The following SLC7A11 variants were observed in gnomAD, a reference collection of about 807,000 sequenced individuals.
SLC7A11 encodes the protein cystine/glutamate transporter.
A neutral mutation model predicts 54.5 loss-of-function variants in SLC7A11; 35 were observed. The observed-to-expected ratio is 0.64, with a 90% CI of 0.49 to 0.85. The LOEUF (loss-of-function observed/expected upper bound fraction) is 0.85. SLC7A11 is among the 40% of genes least tolerant of loss of function. The probability of loss-of-function intolerance (pLI) is 0.00; values close to 1 mark genes in which losing one functional copy is unlikely to be tolerated. For synonymous variants in SLC7A11, 230 were observed against 225.2 expected, an observed-to-expected ratio of 1.02 and a Z score of -0.19; for missense variants, 583 against 618.1, an observed-to-expected ratio of 0.94 and a Z score of 0.60.
At chr4:138,173,210 G>T (rs183498196) in intron 11 of SLC7A11, among the ~76,000 whole-genome samples, 1 of 152,198 alleles carries the variant, frequency 6.6e-6, no homozygotes, top group East Asian at 1.9e-4. Context: ...TCCTGGAGCT[G>T]TTTACAGCCT....
At chr4:138,230,208 T>C (rs1738040414) in intron 3 of SLC7A11, among the ~76,000 whole-genome samples, 4 of 152,036 alleles carry the variant, frequency 2.6e-5, no homozygotes, top group Admixed American at 2.6e-4. Flanking sequence ...GGGAGCTAAA[T>C]GATGACAACT....
intron 1 of SLC7A11, among the ~76,000 whole-genome samples, chr4:138,237,970 C>G (rs1278637577): frequency 6.6e-6 from 1 of 150,918 alleles, no homozygotes; most frequent in African/African-American, 2.4e-5. Context: ...TCGGGCTGGT[C>G]TCAAACTCCC....
At chr4:138,172,657 A>G (rs539805265) in intron 11 of SLC7A11, among the ~76,000 whole-genome samples, 1 of 152,276 alleles carries the variant, frequency 6.6e-6, no homozygotes, top group African/African-American at 2.4e-5. Flanking sequence ...TGTAATTCTG[A>G]TAGACACAAA....
rs192036390 is a variant in SLC7A11 at position 138,201,001 on chromosome 4, A to T, written c.791+13584T>A. 3.5e-3 allele frequency among the ~76,000 whole-genome samples: 540 copies of T among 152,282 alleles called. 2 individuals are homozygous for T. Among genetic ancestry groups the T allele is most frequent in the African/African-American group, 0.011 (462 of 41,582 alleles). On this transcript the variant is annotated intron_variant, in intron 6 of 11. Transcript: ENST00000280612. ...CTATCAGGGAGGAAGAAGAAATAGC[A>T]TCATGAAAAGCCAATAGAAGAGATT...
chr4:138,236,682 A>C (rs1738216262), intron 1 of SLC7A11, among the ~76,000 whole-genome samples: 1 of 152,156 alleles, frequency 6.6e-6, no homozygotes, highest in Non-Finnish European at 1.5e-5. Context: ...GAACACTATA[A>C]TTTTACTTGA....
In SLC7A11 at chr4:138,166,534, A is replaced by C. The variant is rs972117996; in HGVS notation, c.*5422T>G. ...CAATACATTAATTCACTTGAAAGTC[A>C]TACTTTTAAAAAAAATCAGTAGTGT... On this transcript the variant is annotated 3_prime_UTR_variant, in exon 12 of 12. Coordinates refer to ENST00000280612, the MANE Select transcript of SLC7A11 (RefSeq NM_014331.4). 3 of 152,630 alleles carry C rather than the reference A, an allele frequency of 2.0e-5. No homozygotes were observed. Among genetic ancestry groups the C allele is most frequent in the Admixed American group, 2.0e-4 (3 of 15,274 alleles). The allele number at this position is 152,630 out of a possible 1,614,324, so 9.5% of individuals were successfully genotyped here.
intron 6 of SLC7A11, among the ~76,000 whole-genome samples, chr4:138,195,929 T>G (rs1306039281): frequency 6.6e-6 from 1 of 152,200 alleles, no homozygotes; most frequent in East Asian, 1.9e-4. Flanking sequence ...GTTTCTGGCT[T>G]CTTTGGCCTC....
intron 10 of SLC7A11, among the ~76,000 whole-genome samples, chr4:138,180,403 G>A (rs1220306727): frequency 1.3e-5 from 2 of 151,994 alleles, no homozygotes; most frequent in Non-Finnish European, 2.9e-5. Flanking sequence ...CATTCATACA[G>A]TCATTTTTCA....
chr4:138,175,474 T>C (rs555144386), intron 11 of SLC7A11, among the ~76,000 whole-genome samples: 33 of 152,228 alleles, frequency 2.2e-4, no homozygotes, highest in Middle Eastern at 3.4e-3. Context: ...TTGCTATCTT[T>C]GTGTATTTGC....
intron 6 of SLC7A11, among the ~76,000 whole-genome samples, chr4:138,206,464 T>A (rs1399083961): frequency 6.6e-6 from 1 of 151,206 alleles, no homozygotes; most frequent in Non-Finnish European, 1.5e-5. Flanking sequence ...AAATTAGAAC[T>A]TTCAAACAAC....
At chr4:138,183,390 ACTTT>A (rs2148413996) in intron 7 of SLC7A11, 85 bp from the exon 8 acceptor site, 2 of 825,734 alleles carry the variant, frequency 2.4e-6, no homozygotes, top group East Asian at 5.3e-5. Context: ...TTGCTCTATG[ACTTT>A]CTATTAGCCT....
intron 6 of SLC7A11, among the ~76,000 whole-genome samples, chr4:138,195,990 T>C (rs1363837389): frequency 6.6e-6 from 1 of 152,006 alleles, no homozygotes; most frequent in East Asian, 1.9e-4. Context: ...TGGCAAAGAC[T>C]TAAAGAAGGC....
At chr4:138,234,536 A>G (rs1738158271) in intron 2 of SLC7A11, among the ~76,000 whole-genome samples, 1 of 152,072 alleles carries the variant, frequency 6.6e-6, no homozygotes, top group Non-Finnish European at 1.5e-5. Flanking sequence ...TCCTCTGTCA[A>G]CAGACACACA....
rs1738398517 is a variant in SLC7A11 at position 138,242,128 on chromosome 4, T to C, written c.-59A>G. On this transcript the variant is annotated 5_prime_UTR_variant, in exon 1 of 12. Transcript: ENST00000280612. ...GGAAAGAAAACAAAACTTTCAACTT[T>C]GGTGTCTCTTGGTGTTACTGATCGA... 1.9e-6 allele frequency: 3 copies of C among 1,540,134 alleles called. No homozygotes were observed. Among genetic ancestry groups the C allele is most frequent in the East Asian group, 4.8e-5 (2 of 41,938 alleles).
chr4:138,217,099 C>T (rs573697225), intron 5 of SLC7A11, among the ~76,000 whole-genome samples: 2 of 152,054 alleles, frequency 1.3e-5, no homozygotes, highest in African/African-American at 2.4e-5. Flanking sequence ...GACTGATGAC[C>T]ATAGATTAAC....
At chr4:138,206,994 A>AG (rs1377274788) in intron 6 of SLC7A11, among the ~76,000 whole-genome samples, 3 of 119,128 alleles carry the variant, frequency 2.5e-5, no homozygotes, top group African/African-American at 9.4e-5. Flanking sequence ...TCTAAAGAAA[A>AG]GCAAAAAAAA....
At chr4:138,213,559 C>CTCTCTG (rs1236383062) in intron 6 of SLC7A11, among the ~76,000 whole-genome samples, 1 of 151,598 alleles carries the variant, frequency 6.6e-6, no homozygotes, top group Non-Finnish European at 1.5e-5. Context: ...CTCTCTCTCT[C>CTCTCTG]TCCTCCCATA....
At chr4:138,182,833 C>T (rs1736780048) in intron 8 of SLC7A11, among the ~76,000 whole-genome samples, 1 of 152,046 alleles carries the variant, frequency 6.6e-6, no homozygotes, top group African/African-American at 2.4e-5. Context: ...TTGCATCAAA[C>T]TAAACAAAGG....
At chr4:138,228,252 A>G (rs1212250980) in intron 3 of SLC7A11, among the ~76,000 whole-genome samples, 1 of 152,094 alleles carries the variant, frequency 6.6e-6, no homozygotes, top group Non-Finnish European at 1.5e-5. Context: ...TTGACATCCA[A>G]CAATTGATGG....
Sources: gnomAD v4.1 joint callset for allele counts (sites outside exome capture counted in the v4.1 genomes callset) on GRCh38, gnomAD v4.1.1 for gene constraint, MANE v1.5 for transcripts, NCBI Gene and HGNC (gene_info 2026-07-23, HGNC 2026-07-21) for gene names.